The following DNMT3A variants were observed in gnomAD, a reference collection of about 807,000 sequenced individuals.
DNMT3A encodes DNA methyltransferase 3 alpha.
In DNMT3A, 267 loss-of-function variants were observed where a neutral mutation model predicts 117.6. The ratio of observed to expected loss-of-function variants is 2.27; its 90% CI spans 2.05 to 2.51. The LOEUF (loss-of-function observed/expected upper bound fraction) is 2.51. Ranked by LOEUF, DNMT3A falls within the 30% of genes most tolerant of loss-of-function variation. The pLI is 0.00. For missense variants in DNMT3A, 1,029 were observed against 1,260.2 expected (o/e 0.82, Z 2.78); for synonymous variants, 432 against 474.8 (o/e 0.91, Z 1.17).
intron 1 of DNMT3A, among the ~76,000 whole-genome samples, chr2:25,331,696 G>T (rs1172451260): frequency 6.6e-6 from 1 of 152,208 alleles, no homozygotes; most frequent in Non-Finnish European, 1.5e-5. Flanking sequence ...ATCTGCAGGG[G>T]TCGTACCAGT....
In DNMT3A at chr2:25,235,818, T is replaced by C. The variant is rs1558653311; in HGVS notation, c.2486A>G (p.Lys829Arg). The C allele has an allele frequency of 6.2e-7, 1 of 1,613,808 alleles. No individual in the cohort carries two copies. Among genetic ancestry groups the C allele is most frequent in the Non-Finnish European group, 8.5e-7 (1 of 1,179,740 alleles). ...TGACCTCGTAGTAATGGTCCTCACT[T>C]TGCTGAACTAGATGAAGAGGAGAAA... Reference protein sequence around the residue: ...LEHGRIAKFSKVRTITTRSNS... With the variant: ...LEHGRIAKFSRVRTITTRSNS... The change falls in exon 22 of 23, where the codon AAA becomes AGA. Residue 829 changes from lysine (K) to arginine (R), a missense_variant. Lys to Arg is a conservative substitution (Grantham distance 26). Transcript: ENST00000321117.
At chr2:25,273,219 G>A (rs1201551795) in intron 6 of DNMT3A, among the ~76,000 whole-genome samples, 1 of 151,188 alleles carries the variant, frequency 6.6e-6, no homozygotes, top group Non-Finnish European at 1.5e-5. Flanking sequence ...TAGGTGATCC[G>A]CCCGCCTCAG....
rs2031284009 is a variant in DNMT3A at position 25,275,101 on chromosome 2, A to G, written c.493-14T>C. The G allele has an allele frequency of 1.3e-6, 2 of 1,564,214 alleles. No individual in the cohort carries two copies. Among genetic ancestry groups the G allele is most frequent in the African/African-American group, 2.7e-5 (2 of 74,006 alleles). ...GCCCCGGGAGCCCTAGGACAGAGAGACAGACATTAGGGCATTAGGGTGGGC... is the reference window on the plus strand; with the variant it reads ...GCCCCGGGAGCCCTAGGACAGAGAGGCAGACATTAGGGCATTAGGGTGGGC... On this transcript the variant is annotated splice_polypyrimidine_tract_variant and intron_variant, in intron 5 of 22. Transcript: ENST00000321117.
Position 25,335,957 on chromosome 2 carries a change from A to G in DNMT3A, c.-178+5869T>C, listed in dbSNP as rs560332929. Among the ~76,000 whole-genome samples the G allele has an allele frequency of 2.0e-4, 30 of 147,612 alleles. 1 individual carries two copies. Among genetic ancestry groups the G allele is most frequent in the African/African-American group, 6.7e-4 (27 of 40,462 alleles). ...AGTAGGCAACATAGAGCTGCTGCTG[A>G]AAAAAAAAAACAAACCACTCCATAC... On this transcript the variant is annotated intron_variant, in intron 1 of 22. Transcript: ENST00000321117.
intron 4 of DNMT3A, among the ~76,000 whole-genome samples, chr2:25,277,145 C>T (rs892392571): frequency 1.3e-5 from 2 of 152,116 alleles, no homozygotes; most frequent in Non-Finnish European, 2.9e-5. Flanking sequence ...CGTCTTGTCG[C>T]GGGCACCTGT....
rs1672831567 is a variant in DNMT3A, at chr2:25,230,677, T to C, written c.*3602A>G. The C allele has an allele frequency of 1.3e-5, 2 of 152,080 alleles. No individual in the cohort carries two copies. The highest frequency in any genetic ancestry group is 6.6e-5 in the Admixed American group (1 of 15,228). 9.4% of individuals were successfully genotyped at this position (152,080 alleles called of 1,614,324 possible). On this transcript the variant is annotated 3_prime_UTR_variant, in exon 23 of 23. Coordinates refer to ENST00000321117, the MANE Select transcript of DNMT3A (RefSeq NM_022552.5). ...GAGGTGGATTAAGCATATCTCAGCTTGGCCAAGTTGGCACAATCCCAAAGC... is the reference window on the plus strand; with the variant it reads ...GAGGTGGATTAAGCATATCTCAGCTCGGCCAAGTTGGCACAATCCCAAAGC...
chr2:25,323,879 T>G (rs956552164), intron 1 of DNMT3A, among the ~76,000 whole-genome samples: 10 of 152,126 alleles, frequency 6.6e-5, no homozygotes, highest in African/African-American at 2.4e-4. Context: ...CAGATGAGAA[T>G]AATGAGGTAT....
chr2:25,273,560 C>T (rs1470799506), intron 6 of DNMT3A, among the ~76,000 whole-genome samples: 1 of 152,184 alleles, frequency 6.6e-6, no homozygotes, highest in Non-Finnish European at 1.5e-5. Flanking sequence ...GCAGCTAGGT[C>T]ACCACCCACT....
chr2:25,235,875 A>T (rs199705022), intron 21 of DNMT3A, 50 bp from the exon 22 acceptor site: 1 of 1,493,308 alleles, frequency 6.7e-7, no homozygotes, highest in Non-Finnish European at 9.3e-7. Context: ...TTCACCAGCC[A>T]ACACTGGTCA....
rs573265659 is a variant in DNMT3A at position 25,230,493 on chromosome 2, C to T, written c.*3786G>A. 2.0e-5 allele frequency: 3 copies of T among 152,330 alleles called. No homozygotes were observed. The highest frequency in any genetic ancestry group is 1.9e-4 in the East Asian group (1 of 5,168). 9.4% of individuals were successfully genotyped at this position (152,330 alleles called of 1,614,324 possible). ...CTAAGGGGGAAATGGGCCTACTCTT[C>T]GGAAAGAAAATTCCACAGGGAATAT... On this transcript the variant is annotated 3_prime_UTR_variant, in exon 23 of 23. Coordinates refer to ENST00000321117, the MANE Select transcript of DNMT3A (RefSeq NM_022552.5).
chr2:25,240,190 C>A, intron 19 of DNMT3A, 112 bp downstream of exon 19: 2 of 1,501,264 alleles, frequency 1.3e-6, no homozygotes, highest in Non-Finnish European at 1.8e-6. Context: ...AGGCCCCTTG[C>A]AAAGCAGAAG....
chr2:25,247,708 T>C lies in DNMT3A; in HGVS notation c.897A>G (p.Lys299=), dbSNP rs1558672772. 6.2e-6 allele frequency: 10 copies of C among 1,610,700 alleles called. No individual in the cohort carries two copies. The highest frequency in any genetic ancestry group is 8.5e-6 in the Non-Finnish European group (10 of 1,179,306). ...GFGIGELVWG[K]LRGFSWWPGR... is the part of the protein sequence containing the mutation. The stretch of plus-strand genomic sequence containing the variant: ...CTGGCCACCAGGAGAAGCCCCGCAG[T>C]TTCCCCCACACCAGCTCCCCAATGC... Residue 299 remains lysine (K), a synonymous_variant, in exon 8 of 23, where the codon AAA becomes AAG. Transcript: ENST00000321117. This position sits in a 1 kb window ranked among gnomAD's most constrained non-coding sequence, Gnocchi z 5.6.
chr2:25,340,101 G>T (rs1034924203), intron 1 of DNMT3A, among the ~76,000 whole-genome samples: 8 of 152,228 alleles, frequency 5.3e-5, no homozygotes, highest in East Asian at 1.9e-4. Context: ...TGGTTTGGAG[G>T]GGGGGTAGCT....
At chr2:25,259,072 T>C (rs1363153745) in intron 6 of DNMT3A, among the ~76,000 whole-genome samples, 3 of 152,238 alleles carry the variant, frequency 2.0e-5, no homozygotes, top group Non-Finnish European at 4.4e-5. Context: ...CAGCCAACCC[T>C]ACACTTCCCT....
intron 3 of DNMT3A, 56 bp downstream of exon 3, chr2:25,300,083 C>T: frequency 1.9e-6 from 3 of 1,568,874 alleles, no homozygotes; most frequent in Non-Finnish European, 8.7e-7. Flanking sequence ...ATCGACAGGC[C>T]AGGCACGTGT....
chr2:25,262,199 A>C (rs1258213988), intron 6 of DNMT3A, among the ~76,000 whole-genome samples: 2 of 151,430 alleles, frequency 1.3e-5, no homozygotes, highest in Non-Finnish European at 2.9e-5. Context: ...AAAAAAAAAA[A>C]AAAAAAAAAC....
chr2:25,291,358 C>G (rs2032751735), intron 3 of DNMT3A, among the ~76,000 whole-genome samples: 1 of 152,236 alleles, frequency 6.6e-6, no homozygotes, highest in Non-Finnish European at 1.5e-5. Context: ...GCGGCCCTCA[C>G]CAGAGATCTG....
chr2:25,282,393 G>A lies in DNMT3A; in HGVS notation c.448+48C>T, dbSNP rs778675092. 2 of 1,590,016 alleles carry A rather than the reference G, an allele frequency of 1.3e-6. No homozygotes were observed. The highest frequency in any genetic ancestry group is 1.7e-6 in the Non-Finnish European group (2 of 1,168,336). On this transcript the variant is annotated intron_variant, in intron 4 of 22. Coordinates refer to ENST00000321117, the MANE Select transcript of DNMT3A (RefSeq NM_022552.5). This position sits in a 1 kb window ranked among gnomAD's most constrained non-coding sequence, Gnocchi z 5.2. Reference sequence around the variant, plus strand: ...GAGAGCCAAGTCCCTGACTCTCAGGGTATGCTGGTGGGCCCAGAAGAGGCT... The same window carrying A: ...GAGAGCCAAGTCCCTGACTCTCAGGATATGCTGGTGGGCCCAGAAGAGGCT...
chr2:25,329,673 CCA>C (rs55905204), intron 1 of DNMT3A, among the ~76,000 whole-genome samples: 59,187 of 138,202 alleles, frequency 0.43, 12,741 homozygotes, highest in Non-Finnish European at 0.49. Flanking sequence ...CATGCAGACC[CCA>C]CACACACACA....
Sources: allele counts gnomAD v4.1 joint callset (sites outside exome capture counted in the v4.1 genomes callset), GRCh38; gene constraint gnomAD v4.1.1; non-coding constraint Gnocchi (gnomAD v3.1); transcripts MANE v1.5; gene names NCBI Gene and HGNC (gene_info 2026-07-23, HGNC 2026-07-21).